The following FHIT variants were observed in gnomAD, a reference collection of about 807,000 sequenced individuals.
FHIT encodes fragile histidine triad diadenosine triphosphatase.
FHIT carries 19 observed loss-of-function variants against 17.9 expected under a neutral mutation model. That is an observed-to-expected ratio of 1.06 (90% CI 0.74 to 1.56). The LOEUF (loss-of-function observed/expected upper bound fraction) is 1.56. Among genes scored for constraint, FHIT ranks in the 40% most tolerant of loss-of-function variants. The probability of loss-of-function intolerance (pLI) is 0.00; values close to 1 mark genes in which losing one functional copy is unlikely to be tolerated. For missense variants in FHIT, 248 were observed against 189.2 expected, an observed-to-expected ratio of 1.31 and a Z score of -1.82; for synonymous variants, 81 against 69.7, an observed-to-expected ratio of 1.16 and a Z score of -0.81.
intron 5 of FHIT, among the ~76,000 whole-genome samples, chr3:60,517,532 G>A (rs138093860): frequency 6.6e-6 from 1 of 152,116 alleles, no homozygotes; most frequent in Non-Finnish European, 1.5e-5. Flanking sequence ...CTTCATCAAC[G>A]GTCAAAGGGT....
At chr3:60,369,615 T>G (rs1342491122) in intron 5 of FHIT, among the ~76,000 whole-genome samples, 3 of 152,266 alleles carry the variant, frequency 2.0e-5, no homozygotes, top group Admixed American at 6.5e-5. Context: ...TCTGTTAGAG[T>G]GGGCCTATTT....
intron 2 of FHIT, among the ~76,000 whole-genome samples, chr3:61,103,882 C>CTTTTTT: frequency 6.7e-6 from 1 of 149,114 alleles, no homozygotes; most frequent in South Asian, 2.1e-4. Context: ...TCAACCCCTG[C>CTTTTTT]TTTTTTTTCT....
chr3:59,900,905 C>T (rs1036938675), intron 8 of FHIT, among the ~76,000 whole-genome samples: 4 of 152,158 alleles, frequency 2.6e-5, no homozygotes, highest in South Asian at 2.1e-4. Flanking sequence ...TGAGCCACTG[C>T]GCCCGGCCAG....
In FHIT at chr3:59,786,565, A is replaced by G. The variant is rs571887063; in HGVS notation, c.349-34244T>C. 7.2e-5 allele frequency among the ~76,000 whole-genome samples: 11 copies of G among 152,360 alleles called. No homozygotes were observed. In the East Asian group the frequency reaches 1.3e-3, roughly 19 times the overall value. On this transcript the variant is annotated intron_variant, in intron 8 of 9. Coordinates refer to ENST00000492590, the MANE Select transcript of FHIT (RefSeq NM_002012.4). ...ACGGTAATGTGGAATAATGCTTTCA[A>G]CTGTTGCCAGGGTGAGCATGCATGC...
At chr3:61,092,556 TC>T (rs1305693440) in intron 2 of FHIT, among the ~76,000 whole-genome samples, 1 of 152,096 alleles carries the variant, frequency 6.6e-6, no homozygotes, top group Non-Finnish European at 1.5e-5. Context: ...TTAAAAAACT[TC>T]CGTATTAGAA....
intron 7 of FHIT, among the ~76,000 whole-genome samples, chr3:59,995,800 G>A (rs985610648): frequency 2.0e-5 from 3 of 151,998 alleles, no homozygotes; most frequent in Non-Finnish European, 2.9e-5. Flanking sequence ...CATTTCATTT[G>A]ACTCACTTGC....
intron 7 of FHIT, among the ~76,000 whole-genome samples, chr3:59,958,675 G>A (rs554151283): frequency 1.3e-5 from 2 of 152,274 alleles, no homozygotes; most frequent in African/African-American, 2.4e-5. Flanking sequence ...TAATGATGTT[G>A]GCTAGGGTTG....
chr3:60,123,502 T>TTTCAC (rs1459090654), intron 5 of FHIT, among the ~76,000 whole-genome samples: 4 of 152,114 alleles, frequency 2.6e-5, no homozygotes, highest in African/African-American at 9.7e-5. Flanking sequence ...GGCTGTTCCT[T>TTTCAC]AAGGAGAAAA....
At position 59,857,705 on chromosome 3, in the gene FHIT, G is replaced by GTTTTTTTTTTTTTTTTTTTT. The variant is rs78150569; in HGVS notation, c.348+64640_348+64641insAAAAAAAAAAAAAAAAAAAA. ...ATGACTATGCTGTGCAAAGTGCTGG[G>GTTTTTTTTTTTTTTTTTTTT]TTTTTTTTTTTTTTTTTGTATCCTA... is the stretch of plus-strand genomic sequence containing the variant. On this transcript the variant is annotated intron_variant, in intron 8 of 9. Transcript: ENST00000492590. Among the ~76,000 whole-genome samples the GTTTTTTTTTTTTTTTTTTTT allele has an allele frequency of 1.3e-4, 15 of 115,402 alleles. 1 individual carries two copies. The highest frequency in any genetic ancestry group is 3.6e-4 in the African/African-American group (10 of 27,684). 75.7% of individuals were successfully genotyped at this position (115,402 alleles called of 152,430 possible). A position where few individuals can be genotyped will look rare whatever the true frequency, so the allele number is the denominator to read the frequency against.
intron 8 of FHIT, among the ~76,000 whole-genome samples, chr3:59,760,800 C>T (rs563931368): frequency 1.9e-4 from 29 of 151,818 alleles, no homozygotes; most frequent in Non-Finnish European, 4.1e-4. Context: ...TGCAACACTG[C>T]TCCCTGATTG....
At chr3:60,470,058 T>C (rs73833909) in intron 5 of FHIT, among the ~76,000 whole-genome samples, 11 of 143,034 alleles carry the variant, frequency 7.7e-5, no homozygotes, top group South Asian at 4.7e-4. Context: ...CTCTCTTTCT[T>C]TCTCTCTCTC....
chr3:61,052,788 A>T (rs967514384), intron 2 of FHIT, among the ~76,000 whole-genome samples: 1 of 152,174 alleles, frequency 6.6e-6, no homozygotes, highest in African/African-American at 2.4e-5. Flanking sequence ...CATTTATAAT[A>T]AGGTTCCAAG....
chr3:60,706,570 T>G (rs2107923060), intron 4 of FHIT, among the ~76,000 whole-genome samples: 1 of 152,284 alleles, frequency 6.6e-6, no homozygotes, highest in African/African-American at 2.4e-5. Flanking sequence ...CTCGACATTT[T>G]AAAACAGCAT....
chr3:60,506,658 G>A (rs867505925), intron 5 of FHIT, among the ~76,000 whole-genome samples: 4 of 152,252 alleles, frequency 2.6e-5, no homozygotes, highest in Admixed American at 6.5e-5. Context: ...AGCTTTAAAC[G>A]TATGTGTGTG....
At chr3:60,255,905 T>G (rs1340740087) in intron 5 of FHIT, among the ~76,000 whole-genome samples, 3 of 152,138 alleles carry the variant, frequency 2.0e-5, no homozygotes, top group African/African-American at 7.2e-5. Flanking sequence ...TCATGGTTAG[T>G]GCTATGGCTT....
rs181981718 is a variant in FHIT at position 59,802,941 on chromosome 3, T to C, written c.349-50620A>G. Among the ~76,000 whole-genome samples the C allele has an allele frequency of 2.3e-4, 35 of 152,286 alleles. No individual in the cohort carries two copies. The East Asian group carries it at 5.2e-3, about 23-fold the overall frequency. ...TTGGAACACTTTCTATCTTGAACTG[T>C]AGTGATACGGGTATACATCTTACCT... On this transcript the variant is annotated intron_variant, in intron 8 of 9. Coordinates refer to ENST00000492590, the MANE Select transcript of FHIT (RefSeq NM_002012.4).
intron 5 of FHIT, among the ~76,000 whole-genome samples, chr3:60,217,833 G>A (rs1180460738): frequency 6.6e-6 from 1 of 152,046 alleles, no homozygotes; most frequent in African/African-American, 2.4e-5. Flanking sequence ...ACTTCCTCAA[G>A]GAATTACTCT....
rs559275532 is a variant in FHIT, at chr3:60,557,798, A to G, written c.-17-20819T>C. 4.6e-4 allele frequency among the ~76,000 whole-genome samples: 70 copies of G among 152,224 alleles called. 2 individuals are homozygous for G. The South Asian group carries it at 0.014, about 30-fold the overall frequency. On this transcript the variant is annotated intron_variant, in intron 4 of 9. Transcript: ENST00000492590. ...TGAAATGCATAGGTATTGTTGAAAA[A>G]TGCATTTTGAGTCCAAGTAAAACAA... is the stretch of plus-strand genomic sequence containing the variant.
At chr3:61,087,708 T>A (rs931328718) in intron 2 of FHIT, among the ~76,000 whole-genome samples, 4 of 152,026 alleles carry the variant, frequency 2.6e-5, no homozygotes, top group South Asian at 2.1e-4. Context: ...CACACACACA[T>A]ACGCACAAAA....
Sources: allele counts gnomAD v4.1 joint callset (sites outside exome capture counted in the v4.1 genomes callset), GRCh38; gene constraint gnomAD v4.1.1; transcripts MANE v1.5; gene names NCBI Gene and HGNC (gene_info 2026-07-23, HGNC 2026-07-21).